PXT1: variants seen among roughly 807,000 people sequenced by gnomAD.
PXT1 encodes peroxisomal testis-specific protein 1.
Under a neutral mutation model 11.0 loss-of-function variants are expected in PXT1, and 11 were observed. The ratio of observed to expected loss-of-function variants is 1.00; its 90% CI spans 0.63 to 1.66. The LOEUF is 1.66. Ranked by LOEUF, PXT1 falls within the 40% of genes most tolerant of loss-of-function variation. PXT1 has a pLI of 0.00. For missense variants in PXT1, 141 were observed against 155.5 expected (o/e 0.91, Z 0.49); for synonymous variants, 43 against 51.4 (o/e 0.84, Z 0.70).
At chr6:36,425,584 A>G (rs965557281) in intron 3 of PXT1, among the ~76,000 whole-genome samples, 1 of 151,988 alleles carries the variant, frequency 6.6e-6, no homozygotes, top group Non-Finnish European at 1.5e-5. Flanking sequence ...CAGGGGTTCG[A>G]GACCAGCCTG....
chr6:36,395,527 G>C (rs1349800965), intron 4 of PXT1, among the ~76,000 whole-genome samples: 1 of 108,536 alleles, frequency 9.2e-6, no homozygotes, highest in Non-Finnish European at 1.8e-5. Context: ...TTTTGAGACA[G>C]GGTCTCACTC....
At chr6:36,432,654 T>C (rs372081764) in intron 2 of PXT1, among the ~76,000 whole-genome samples, 1 of 152,206 alleles carries the variant, frequency 6.6e-6, no homozygotes, top group Non-Finnish European at 1.5e-5. Context: ...GGGAGAAATG[T>C]AGTGCTTCAA....
intron 2 of PXT1, among the ~76,000 whole-genome samples, chr6:36,437,430 C>T (rs1448933272): frequency 2.0e-5 from 3 of 151,918 alleles, no homozygotes; most frequent in African/African-American, 7.3e-5. Flanking sequence ...TCTGGATATT[C>T]ATGTAGGCAA....
intron 3 of PXT1, among the ~76,000 whole-genome samples, chr6:36,414,162 G>GA (rs1382845533): frequency 5.6e-5 from 8 of 141,920 alleles, no homozygotes; most frequent in African/African-American, 1.0e-4. Context: ...AAATTAAGAA[G>GA]AAAAAACCAC....
At chr6:36,426,701 G>A (rs769887114) in intron 2 of PXT1, among the ~76,000 whole-genome samples, 3 of 152,044 alleles carry the variant, frequency 2.0e-5, no homozygotes, top group South Asian at 2.1e-4. Context: ...ATTCCATCAG[G>A]GGAAGTGTGT....
At chr6:36,423,332 G>A (rs1774549659) in intron 3 of PXT1, among the ~76,000 whole-genome samples, 1 of 152,242 alleles carries the variant, frequency 6.6e-6, no homozygotes, top group African/African-American at 2.4e-5. Flanking sequence ...ACCACCTCGC[G>A]CACTTTAGCT....
chr6:36,435,433 C>G (rs1774748029), intron 2 of PXT1, among the ~76,000 whole-genome samples: 1 of 151,910 alleles, frequency 6.6e-6, no homozygotes, highest in African/African-American at 2.4e-5. Context: ...ACATGGTGCT[C>G]TGCTCCTGTA....
At chr6:36,417,575 T>C (rs1225237853) in intron 3 of PXT1, among the ~76,000 whole-genome samples, 1 of 115,984 alleles carries the variant, frequency 8.6e-6, no homozygotes, top group East Asian at 2.4e-4. Context: ...GGCAACATAG[T>C]GAGACTTCGT....
In PXT1 at chr6:36,400,396, T is replaced by C. The variant is rs1774196399; in HGVS notation, c.300+58A>G. 9 of 1,597,298 alleles carry C rather than the reference T, an allele frequency of 5.6e-6. No homozygotes were observed. In the South Asian group the frequency reaches 7.8e-5, roughly 14 times the overall value. ...CATCTCAGACACTTGGCAGCCGTAG[T>C]TTTGTTTGCTCTTTCCTCCTACCTG... On this transcript the variant is annotated intron_variant, in intron 4 of 4. Coordinates refer to ENST00000454782, the MANE Select transcript of PXT1 (RefSeq NM_152990.4).
At chr6:36,437,649 G>A (rs1185175695) in intron 2 of PXT1, among the ~76,000 whole-genome samples, 1 of 150,894 alleles carries the variant, frequency 6.6e-6, no homozygotes, top group African/African-American at 2.4e-5. Flanking sequence ...GAGTAGCTGG[G>A]ACTACAGGCG....
intron 2 of PXT1, among the ~76,000 whole-genome samples, chr6:36,431,836 C>T (rs1002662786): frequency 6.6e-6 from 1 of 151,994 alleles, no homozygotes; most frequent in Non-Finnish European, 1.5e-5. Context: ...TTTGGGAGGC[C>T]GAGGTGAGGA....
At chr6:36,402,890 G>A (rs1368689533) in intron 3 of PXT1, among the ~76,000 whole-genome samples, 2 of 152,016 alleles carry the variant, frequency 1.3e-5, no homozygotes, top group Non-Finnish European at 2.9e-5. Flanking sequence ...GAAATCAGGA[G>A]CCTTGCAGTT....
chr6:36,432,482 A>C (rs549567986), intron 2 of PXT1, among the ~76,000 whole-genome samples: 1 of 152,268 alleles, frequency 6.6e-6, no homozygotes, highest in East Asian at 1.9e-4. Context: ...AAATGGATAG[A>C]GGCTATTAAA....
rs774745579 is a variant in PXT1, at chr6:36,400,501, G to C, written c.253C>G (p.Gln85Glu). ...ATGTTGTCCCCAATGTGTCTCAGCT[G>C]CATGGCCAACTTGTGAATTATTTCC... ...QEEIIHKLAMQLRHIGDNIDH... is the reference protein window; with the variant it reads ...QEEIIHKLAMELRHIGDNIDH... The change falls in exon 4 of 5, where the codon CAG becomes GAG. Residue 85 changes from glutamine to glutamate, a missense_variant. By Grantham distance (29) the Gln-to-Glu change is conservative. Transcript: ENST00000454782. 3.1e-6 allele frequency: 5 copies of C among 1,613,990 alleles called. No individual in the cohort carries two copies. In the South Asian group the frequency reaches 4.4e-5, roughly 14 times the overall value.
At chr6:36,396,744 G>A (rs1171326770) in intron 4 of PXT1, among the ~76,000 whole-genome samples, 1 of 152,230 alleles carries the variant, frequency 6.6e-6, no homozygotes, top group Non-Finnish European at 1.5e-5. Context: ...AGCCAGAGCA[G>A]GGCAGATGAT....
At chr6:36,441,971 C>T (rs1380926039) in intron 1 of PXT1, among the ~76,000 whole-genome samples, 10 of 152,042 alleles carry the variant, frequency 6.6e-5, no homozygotes, top group African/African-American at 2.4e-4. Flanking sequence ...GGAGAATCGA[C>T]TTCGAATTTT....
intron 3 of PXT1, among the ~76,000 whole-genome samples, chr6:36,423,398 G>A (rs143423047): frequency 6.6e-6 from 1 of 152,366 alleles, no homozygotes; most frequent in Non-Finnish European, 1.5e-5. Context: ...GGCTTTCTGT[G>A]GTGGAAAAAG....
Position 36,425,956 on chromosome 6 carries a change from G to T in PXT1, c.127C>A (p.Leu43Ile). Residue 43 changes from leucine (L) to isoleucine (I), a missense_variant, in exon 3 of 5, where the codon CTT (leucine) becomes ATT (isoleucine). By Grantham distance (5) the Leu-to-Ile change is conservative. Transcript: ENST00000454782. ...YSFQKAYMTQLVSSQPVPAMS... is the reference protein window; with the variant it reads ...YSFQKAYMTQIVSSQPVPAMS... ...GCTGGAACTGGCTGGGAGCTGACAA[G>T]TTGGGTCATGTATGCCTTCTGAAAA... 1 of 1,535,806 alleles carries T rather than the reference G, an allele frequency of 6.5e-7. No homozygotes were observed. The highest frequency in any genetic ancestry group is 8.7e-7 in the Non-Finnish European group (1 of 1,146,450).
At chr6:36,395,765 C>G (rs1287092354) in intron 4 of PXT1, among the ~76,000 whole-genome samples, 1 of 151,892 alleles carries the variant, frequency 6.6e-6, no homozygotes, top group East Asian at 1.9e-4. Context: ...TTTGGGAGGC[C>G]GAGGCAGGCA....
Sources: gnomAD v4.1 joint callset for allele counts (sites outside exome capture counted in the v4.1 genomes callset) on GRCh38, gnomAD v4.1.1 for gene constraint, MANE v1.5 for transcripts, NCBI Gene and HGNC (gene_info 2026-07-23, HGNC 2026-07-21) for gene names.